DMD: variants seen among roughly 807,000 people sequenced by gnomAD.
DMD encodes dystrophin.
A neutral mutation model predicts 330.1 loss-of-function variants in DMD; 63 were observed. The observed-to-expected ratio is 0.19, with a 90% CI of 0.16 to 0.24. DMD has a LOEUF of 0.24. Ranked by LOEUF, DMD falls within the 10% of genes least tolerant of loss-of-function variation. The pLI, the probability that DMD is intolerant of heterozygous loss-of-function variation, is 1.00. For synonymous variants in DMD, 1,223 were observed against 959.8 expected (o/e 1.27, Z -5.07); for missense variants, 3,344 against 2,684.1 (o/e 1.25, Z -5.43).
rs779494966 is a variant in DMD at position 31,350,363 on chromosome X, T to C, written c.9085-1729A>G. On this transcript the variant is annotated intron_variant, in intron 60 of 78. Coordinates refer to ENST00000357033, the MANE Select transcript of DMD (RefSeq NM_004006.3). ...GCTTCCTCAGCATTCTAACAGTATA[T>C]GGTTTATACCTGAAGCACTTCTATC... is the stretch of plus-strand genomic sequence containing the variant. Among the ~76,000 whole-genome samples the C allele has an allele frequency of 9.8e-4, 110 of 112,244 alleles. 1 individual carries two copies. The Middle Eastern group carries it at 0.014, about 14-fold the overall frequency.
chrX:32,607,994 T>C (rs764202923), intron 12 of DMD, among the ~76,000 whole-genome samples: 102 of 109,541 alleles, frequency 9.3e-4, no homozygotes, highest in Admixed American at 1.7e-3. Context: ...TAATGAAGTA[T>C]AATAACTAAT....
chrX:32,438,594 G>C lies in DMD; in HGVS notation c.3922-204C>G, dbSNP rs2076366. On this transcript the variant is annotated intron_variant, in intron 28 of 78. Coordinates refer to ENST00000357033, the MANE Select transcript of DMD (RefSeq NM_004006.3). The stretch of plus-strand genomic sequence containing the variant: ...TCTATATGAATCTTCATGGGATTAT[G>C]ACAGTGTTGCGGACTGAGAACTTAA... Among the ~76,000 whole-genome samples the C allele has an allele frequency of 0.39, 42,977 of 110,212 alleles. 6,364 individuals are homozygous for C. Among genetic ancestry groups the C allele is most frequent in the East Asian group, 0.75 (2,582 of 3,436 alleles).
intron 2 of DMD, among the ~76,000 whole-genome samples, chrX:32,943,326 TGA>T (rs2090560030): frequency 9.0e-6 from 1 of 111,315 alleles, no homozygotes; most frequent in Admixed American, 9.6e-5. Context: ...TAAGAAAAAA[TGA>T]GAGACTTAAA....
intron 62 of DMD, among the ~76,000 whole-genome samples, chrX:31,266,164 A>AAAAAAAAAAAAAAC (rs2051064299): frequency 1.0e-5 from 1 of 97,904 alleles, no homozygotes; most frequent in African/African-American, 4.2e-5. Context: ...AAGGGCAAAA[A>AAAAAAAAAAAAAAC]AAAAAAAAAA....
At position 32,911,014 on chromosome X, in the gene DMD, C is replaced by T. The variant is rs760259672; in HGVS notation, c.94-61194G>A. ...TCAACAGTTTGGAAAGGAAAAGTCA[C>T]CCTCGCTATTTCAATATTTTAAGCT... is the stretch of plus-strand genomic sequence containing the variant. On this transcript the variant is annotated intron_variant, in intron 2 of 78. Transcript: ENST00000357033. Among the ~76,000 whole-genome samples, 4 of 111,606 alleles carry T rather than the reference C, an allele frequency of 3.6e-5. No homozygotes were observed. In the South Asian group the frequency reaches 1.5e-3, roughly 42 times the overall value.
chrX:33,013,712 C>T (rs2093744073), intron 2 of DMD, among the ~76,000 whole-genome samples: 1 of 112,612 alleles, frequency 8.9e-6, no homozygotes, highest in African/African-American at 3.2e-5. Flanking sequence ...ATTGTTACCT[C>T]CTTCACTGAA....
intron 55 of DMD, among the ~76,000 whole-genome samples, chrX:31,591,715 C>T (rs1292188528): frequency 1.8e-5 from 2 of 111,219 alleles, no homozygotes; most frequent in Non-Finnish European, 3.8e-5. Context: ...GAGATTCTCT[C>T]TCATTATATT....
Position 32,468,525 on chromosome X carries a change from C to T in DMD, c.3135G>A (p.Glu1045=). ...QLVEHCQKLE[E]QMNKLRKIQN... The stretch of plus-strand genomic sequence containing the variant: ...GAATTTTTCGGAGTTTATTCATTTG[C>T]TCCTCTAGCTTTTGACAATGCTCAA... The change falls in exon 23 of 79, where the codon GAG becomes GAA. Residue 1045 remains glutamate (E), a synonymous_variant. Transcript: ENST00000357033. The T allele has an allele frequency of 8.3e-7, 1 of 1,208,753 alleles. No homozygotes were observed. The highest frequency in any genetic ancestry group is 1.7e-5 in the African/African-American group (1 of 57,726).
intron 62 of DMD, among the ~76,000 whole-genome samples, chrX:31,321,894 C>T (rs148991140): frequency 0.022 from 2,469 of 110,845 alleles, 30 homozygotes; most frequent in Non-Finnish European, 0.037. Flanking sequence ...ATTTTTTGGA[C>T]GGAGTTCATT....
chrX:31,670,134 T>C (rs980178165), intron 53 of DMD, among the ~76,000 whole-genome samples: 3 of 111,989 alleles, frequency 2.7e-5, no homozygotes, highest in Non-Finnish European at 5.6e-5. Flanking sequence ...TCATTTTGTA[T>C]ATTGATCTTG....
intron 44 of DMD, chrX:32,206,539 T>C (rs2097070045): frequency 1.7e-6 from 1 of 590,899 alleles, no homozygotes. Context: ...CAAGAATCCT[T>C]CAAAACAAGG....
At chrX:33,149,231 G>A (rs1284612688) in intron 1 of DMD, among the ~76,000 whole-genome samples, 4 of 111,282 alleles carry the variant, frequency 3.6e-5, no homozygotes, top group African/African-American at 1.3e-4. Context: ...TGGGCATGAC[G>A]GGAGACAGTG....
intron 43 of DMD, among the ~76,000 whole-genome samples, chrX:32,263,582 T>C (rs1196806888): frequency 8.9e-6 from 1 of 112,273 alleles, no homozygotes; most frequent in Non-Finnish European, 1.9e-5. Flanking sequence ...GTTTCACTTT[T>C]CAATAAACGA....
intron 44 of DMD, among the ~76,000 whole-genome samples, chrX:32,161,533 A>G (rs1053182863): frequency 8.9e-6 from 1 of 112,047 alleles, no homozygotes; most frequent in African/African-American, 3.2e-5. Context: ...TACTCGGAGG[A>G]TTAAATACAA....
chrX:32,950,807 T>C (rs1388638120), intron 2 of DMD, among the ~76,000 whole-genome samples: 1 of 111,857 alleles, frequency 8.9e-6, no homozygotes. Context: ...CAGAGATACA[T>C]TCATTTGTGC....
At chrX:32,953,132 C>CAAA (rs956888529) in intron 2 of DMD, among the ~76,000 whole-genome samples, 5 of 48,234 alleles carry the variant, frequency 1.0e-4, no homozygotes, top group Admixed American at 5.2e-4. Flanking sequence ...AAGACTCCAC[C>CAAA]AAAAAAAAAA....
At chrX:32,958,545 T>C (rs192055196) in intron 2 of DMD, among the ~76,000 whole-genome samples, 1 of 111,332 alleles carries the variant, frequency 9.0e-6, no homozygotes, top group Non-Finnish European at 1.9e-5. Context: ...ATCTCTAAGT[T>C]ATCTAACAAT....
chrX:33,037,364 G>GGAA lies in DMD; in HGVS notation c.32-17167_32-17165dup, dbSNP rs1223990182. Among the ~76,000 whole-genome samples, 9 of 77,102 alleles carry GGAA rather than the reference G, an allele frequency of 1.2e-4. 1 individual carries two copies. Among genetic ancestry groups the GGAA allele is most frequent in the African/African-American group, 4.5e-4 (9 of 20,045 alleles). 67.0% of individuals were successfully genotyped at this position (77,102 alleles called of 115,157 possible). ...AAGTCTCTTAACTTGAAACTATACAGGAAAAAAAAAAAACCCTGATGTCAT... is the reference window on the plus strand; with the variant it reads ...AAGTCTCTTAACTTGAAACTATACAGGAAGAAAAAAAAAAAACCCTGATGTCAT... On this transcript the variant is annotated intron_variant, in intron 1 of 78. Coordinates refer to ENST00000357033, the MANE Select transcript of DMD (RefSeq NM_004006.3).
At chrX:31,185,411 C>G (rs1020915764) in intron 67 of DMD, among the ~76,000 whole-genome samples, 1 of 111,647 alleles carries the variant, frequency 9.0e-6, no homozygotes, top group African/African-American at 3.3e-5. Flanking sequence ...TTAAAACATC[C>G]TTCTGTGCTT....
Sources: allele counts gnomAD v4.1 joint callset (sites outside exome capture counted in the v4.1 genomes callset), GRCh38; gene constraint gnomAD v4.1.1; transcripts MANE v1.5; gene names NCBI Gene and HGNC (gene_info 2026-07-23, HGNC 2026-07-21).